SDHC: variants seen among roughly 807,000 people sequenced by gnomAD.
SDHC encodes the protein succinate dehydrogenase cytochrome b560 subunit, mitochondrial.
A neutral mutation model predicts 22.6 loss-of-function variants in SDHC; 11 were observed. That is an observed-to-expected ratio of 0.49 (90% confidence interval 0.31 to 0.81). SDHC has a LOEUF of 0.81. SDHC is among the 30% of genes least tolerant of loss of function. The probability of loss-of-function intolerance (pLI) is 0.05; values close to 1 mark genes in which losing one functional copy is unlikely to be tolerated. For synonymous variants in SDHC, 80 were observed against 77.8 expected (o/e 1.03, Z -0.15); for missense variants, 160 against 212.0 (o/e 0.75, Z 1.52).
chr1:161,321,179 A>C (rs1481615051), intron 1 of SDHC, among the ~76,000 whole-genome samples: 1 of 152,118 alleles, frequency 6.6e-6, no homozygotes, highest in Non-Finnish European at 1.5e-5. Context: ...TGCTGCCCCA[A>C]TCCAGAGAAG....
rs1209056567 is a variant in SDHC, at chr1:161,345,335, C to A, written c.241+4680C>A. On this transcript the variant is annotated intron_variant, in intron 4 of 5. Coordinates refer to ENST00000367975, the MANE Select transcript of SDHC (RefSeq NM_003001.5). ...AAATGTTAACTCAAAGAGCACTTTG[C>A]TTACCACCATATTTAAAGTACAAGC... 2.6e-5 allele frequency among the ~76,000 whole-genome samples: 4 copies of A among 152,208 alleles called. No individual in the cohort carries two copies. In the East Asian group the frequency reaches 7.7e-4, roughly 29 times the overall value.
intron 4 of SDHC, among the ~76,000 whole-genome samples, chr1:161,348,942 A>C (rs1331905386): frequency 6.6e-6 from 1 of 152,186 alleles, no homozygotes; most frequent in Non-Finnish European, 1.5e-5. Context: ...ATGCCTTGAG[A>C]ATGGCAGATA....
chr1:161,357,274 G>A (rs184011398), intron 5 of SDHC, among the ~76,000 whole-genome samples: 158 of 152,170 alleles, frequency 1.0e-3, no homozygotes, highest in Non-Finnish European at 7.4e-5. Flanking sequence ...CTTGGGGAAA[G>A]CCAGACAAGT....
At chr1:161,321,627 A>T (rs1453140011) in intron 1 of SDHC, among the ~76,000 whole-genome samples, 3 of 152,124 alleles carry the variant, frequency 2.0e-5, no homozygotes, top group African/African-American at 7.2e-5. Context: ...GTCTGTATTC[A>T]CCTCTTGCCT....
At chr1:161,323,537 C>T (rs141771059) in intron 1 of SDHC, 77 bp from the exon 2 acceptor site, 4 of 1,060,260 alleles carry the variant, frequency 3.8e-6, no homozygotes, top group African/African-American at 1.6e-5. Context: ...TATCCCTTCA[C>T]CCCTAAAAAT....
chr1:161,324,104 A>G (rs1670958016), intron 2 of SDHC, among the ~76,000 whole-genome samples: 1 of 152,152 alleles, frequency 6.6e-6, no homozygotes, highest in South Asian at 2.1e-4. Flanking sequence ...AACTTAAGTA[A>G]TTGTGGTGAC....
rs1472461559 is a variant in SDHC at position 161,328,102 on chromosome 1, C to T, written c.78-294C>T. On this transcript the variant is annotated intron_variant, in intron 2 of 5. Coordinates refer to ENST00000367975, the MANE Select transcript of SDHC (RefSeq NM_003001.5). ...CACCGCAACCTCTGCCTCCTGGGTT[C>T]AAGTGATTCTACTGCCTCAGTCTCC... is the stretch of plus-strand genomic sequence containing the variant. Among the ~76,000 whole-genome samples, 6 of 151,144 alleles carry T rather than the reference C, an allele frequency of 4.0e-5. No individual in the cohort carries two copies. The East Asian group carries it at 1.2e-3, about 30-fold the overall frequency.
intron 3 of SDHC, among the ~76,000 whole-genome samples, chr1:161,338,617 TAAG>T (rs1298289448): frequency 6.6e-6 from 1 of 152,208 alleles, no homozygotes; most frequent in Non-Finnish European, 1.5e-5. Context: ...TACTGTGGAT[TAAG>T]AAATATATAC....
intron 3 of SDHC, among the ~76,000 whole-genome samples, chr1:161,332,776 T>C (rs778159760): frequency 5.3e-5 from 8 of 152,032 alleles, no homozygotes; most frequent in Non-Finnish European, 1.2e-4. Context: ...GGATTACAGA[T>C]GTGCATCACC....
At chr1:161,324,905 A>G (rs1670993476) in intron 2 of SDHC, among the ~76,000 whole-genome samples, 1 of 152,196 alleles carries the variant, frequency 6.6e-6, no homozygotes, top group Non-Finnish European at 1.5e-5. Flanking sequence ...AATATATTTC[A>G]TAGAAATATA....
chr1:161,362,530 T>C lies in SDHC; in HGVS notation c.*97T>C, dbSNP rs1476922960. The C allele has an allele frequency of 6.2e-7, 1 of 1,608,796 alleles. No homozygotes were observed. The highest frequency in any genetic ancestry group is 1.3e-5 in the African/African-American group (1 of 74,820). On this transcript the variant is annotated 3_prime_UTR_variant, in exon 6 of 6. Coordinates refer to ENST00000367975, the MANE Select transcript of SDHC (RefSeq NM_003001.5). ...TCTCCAGCCTGGGAAAAGTTCTCCT[T>C]ATTTGTTTAGATCCTTTTGTATTTT...
intron 3 of SDHC, among the ~76,000 whole-genome samples, chr1:161,339,841 C>T (rs1304908912): frequency 1.3e-5 from 2 of 151,632 alleles, no homozygotes; most frequent in South Asian, 2.1e-4. Context: ...CCACCACATC[C>T]GGCTAATTTT....
intron 2 of SDHC, among the ~76,000 whole-genome samples, chr1:161,325,234 GT>G (rs1671006838): frequency 1.3e-5 from 2 of 151,356 alleles, no homozygotes; most frequent in African/African-American, 4.9e-5. Context: ...AAGATTGGAT[GT>G]GGTGGCTCAC....
At position 161,327,710 on chromosome 1, in the gene SDHC, C is replaced by T. The variant is rs1274464969; in HGVS notation, c.78-686C>T. On this transcript the variant is annotated intron_variant, in intron 2 of 5. Coordinates refer to ENST00000367975, the MANE Select transcript of SDHC (RefSeq NM_003001.5). ...CTAGGTAGGTGGGATTACAGTCGTG[C>T]GCCAACACACCCGGCTAATTTTTTT... is the stretch of plus-strand genomic sequence containing the variant. Among the ~76,000 whole-genome samples the T allele has an allele frequency of 6.6e-5, 10 of 151,666 alleles. 1 individual carries two copies. The highest frequency in any genetic ancestry group is 4.2e-4 in the South Asian group (2 of 4,794).
chr1:161,351,377 C>T (rs1672092382), intron 4 of SDHC, among the ~76,000 whole-genome samples: 2 of 152,178 alleles, frequency 1.3e-5, no homozygotes, highest in Admixed American at 1.3e-4. Context: ...CTTGTAGTTA[C>T]TTTTCACTCT....
intron 5 of SDHC, among the ~76,000 whole-genome samples, chr1:161,360,808 A>G (rs1233568914): frequency 6.6e-6 from 1 of 151,438 alleles, no homozygotes; most frequent in African/African-American, 2.4e-5. Flanking sequence ...AGAAATTTAA[A>G]TAGAATAGAA....
chr1:161,356,213 C>T (rs577196918), intron 4 of SDHC, among the ~76,000 whole-genome samples: 6 of 152,144 alleles, frequency 3.9e-5, no homozygotes, highest in African/African-American at 1.4e-4. Context: ...TAGTCTGTCT[C>T]CCATCATAAA....
At chr1:161,358,521 C>T (rs1407112862) in intron 5 of SDHC, among the ~76,000 whole-genome samples, 1 of 152,030 alleles carries the variant, frequency 6.6e-6, no homozygotes, top group Non-Finnish European at 1.5e-5. Context: ...CCTGTGGTCC[C>T]AGCTACCCGT....
rs540207837 is a variant in SDHC at position 161,338,843 on chromosome 1, GCTTT to G, written c.180-1742_180-1739del. 2.6e-5 allele frequency among the ~76,000 whole-genome samples: 4 copies of G among 151,904 alleles called. No homozygotes were observed. The East Asian group carries it at 7.7e-4, about 29-fold the overall frequency. ...GGACCCAGGTTGTATTACAGTGATTGCTTTCTTTCTTTTTCTTTTTTTTGAGATG... is the reference window on the plus strand; with the variant it reads ...GGACCCAGGTTGTATTACAGTGATTGCTTTCTTTTTCTTTTTTTTGAGATG... On this transcript the variant is annotated intron_variant, in intron 3 of 5. Transcript: ENST00000367975.
Sources: gnomAD v4.1 joint callset for allele counts (sites outside exome capture counted in the v4.1 genomes callset) on GRCh38, gnomAD v4.1.1 for gene constraint, MANE v1.5 for transcripts, NCBI Gene and HGNC (gene_info 2026-07-23, HGNC 2026-07-21) for gene names.